The following ORC3 variants were observed in gnomAD, a reference collection of about 807,000 sequenced individuals.
The protein encoded by ORC3 is origin recognition complex subunit 3.
In ORC3, 78 loss-of-function variants were observed where a neutral mutation model predicts 100.7. The observed-to-expected ratio is 0.77, with a 90% CI of 0.65 to 0.94. The LOEUF is 0.94. Among genes scored for constraint, ORC3 ranks in the 40% least tolerant of loss-of-function variants. ORC3 has a pLI of 0.00. For synonymous variants in ORC3, 295 were observed against 289.3 expected (o/e 1.02, Z -0.20); for missense variants, 789 against 823.9 (o/e 0.96, Z 0.52).
intron 1 of ORC3, among the ~76,000 whole-genome samples, chr6:87,592,548 G>C (rs1777110233): frequency 6.6e-6 from 1 of 152,146 alleles, no homozygotes; most frequent in Non-Finnish European, 1.5e-5. Context: ...AGAATCGCCT[G>C]AACCCGGGAG....
Position 87,657,992 on chromosome 6 carries a change from T to C in ORC3, c.1665T>C (p.Val555=), listed in dbSNP as rs1008483339. Residue 555 remains valine (V), a synonymous_variant, in exon 16 of 20, where the codon GTT becomes GTC. Coordinates refer to ENST00000392844, the MANE Select transcript of ORC3 (RefSeq NM_012381.4). ...AATTTGAAGTACTCAGAGAAAATGT[T>C]GTGAACTTCATTGACTGTCTAGTGA... The part of the protein sequence containing the change: ...QTKFEVLREN[V]VNFIDCLVRE... The C allele has an allele frequency of 3.7e-6, 6 of 1,602,054 alleles. No individual in the cohort carries two copies. Among genetic ancestry groups the C allele is most frequent in the Non-Finnish European group, 4.3e-6 (5 of 1,169,542 alleles).
At chr6:87,651,786 A>G (rs1049130816) in intron 13 of ORC3, among the ~76,000 whole-genome samples, 1 of 152,110 alleles carries the variant, frequency 6.6e-6, no homozygotes, top group Non-Finnish European at 1.5e-5. Context: ...AGTTAGCAAT[A>G]TTAGTATTTC....
At chr6:87,659,062 T>G (rs1004559977) in intron 16 of ORC3, among the ~76,000 whole-genome samples, 8 of 117,970 alleles carry the variant, frequency 6.8e-5, no homozygotes, top group African/African-American at 2.2e-4. Flanking sequence ...ATTGTAATTT[T>G]TTTTTTTTTT....
intron 12 of ORC3, 89 bp from the exon 13 acceptor site, chr6:87,636,317 AT>A (rs986721224): frequency 6.0e-5 from 44 of 738,392 alleles, no homozygotes; most frequent in East Asian, 1.5e-4. Context: ...AATAACATTA[AT>A]TTTTTTTGTG....
chr6:87,620,979 T>G (rs1583060502), intron 9 of ORC3, among the ~76,000 whole-genome samples: 2 of 152,344 alleles, frequency 1.3e-5, no homozygotes, highest in African/African-American at 4.8e-5. Context: ...ACACTGATTT[T>G]AGATTGGCAT....
At chr6:87,677,170 A>G in the ORC3 span, among the ~76,000 whole-genome samples, 1 of 152,176 alleles carries the variant, frequency 6.6e-6, no homozygotes, top group Admixed American at 6.5e-5. Flanking sequence ...ATGAATGGCA[A>G]CTGACTGCAA....
chr6:87,592,887 T>C (rs1777140144), intron 1 of ORC3, among the ~76,000 whole-genome samples: 1 of 151,250 alleles, frequency 6.6e-6, no homozygotes, highest in African/African-American at 2.4e-5. Context: ...AGATCAGGAG[T>C]GCGAGACCAG....
At chr6:87,594,643 A>C in intron 2 of ORC3, 1 of 904,558 alleles carries the variant, frequency 1.1e-6, no homozygotes, top group Non-Finnish European at 1.4e-6. Flanking sequence ...CCTTCAAAGG[A>C]TATGCTGCTA....
In ORC3 at chr6:87,664,794, A is replaced by G; in HGVS notation, c.1885A>G (p.Ile629Val). 6.2e-7 allele frequency: 1 copy of G among 1,614,174 alleles called. No homozygotes were observed. The highest frequency in any genetic ancestry group is 8.5e-7 in the Non-Finnish European group (1 of 1,180,002). Residue 629 changes from isoleucine (I) to valine (V), a missense_variant, in exon 18 of 20, where the codon ATC (isoleucine) becomes GTC (valine). This residue lies in a region of ORC3 where 366 missense variants were observed against 394.2 expected (regional missense o/e 0.93). Transcript: ENST00000392844. ...CTGCATTCCGAATATCGCCCCAGAC[A>G]TCTGCATAGCATACAAACTGCACCT... ...EGCIPNIAPD[I>V]CIAYKLHLEC...
Position 87,618,769 on chromosome 6 carries a change from CTGT to C in ORC3, c.987+2347_987+2349del, listed in dbSNP as rs531937489. Among the ~76,000 whole-genome samples, 7 of 151,624 alleles carry C rather than the reference CTGT, an allele frequency of 4.6e-5. No homozygotes were observed. The East Asian group carries it at 1.4e-3, about 29-fold the overall frequency. The stretch of plus-strand genomic sequence containing the variant: ...GTGACTAAGTAGGTCATAGGATGTT[CTGT>C]TGTTTTTTTTTTTCTTACTTGACTT... On this transcript the variant is annotated intron_variant, in intron 9 of 19. Transcript: ENST00000392844.
In ORC3 at chr6:87,656,994, C is replaced by T; in HGVS notation, c.1593+12C>T. On this transcript the variant is annotated intron_variant, in intron 15 of 19. Coordinates refer to ENST00000392844, the MANE Select transcript of ORC3 (RefSeq NM_012381.4). ...ATCATCTTCAGAAGGTCAGGTCACTCTCTTCCCTTCCAGCTGCATCCTGTG... is the reference window on the plus strand; with the variant it reads ...ATCATCTTCAGAAGGTCAGGTCACTTTCTTCCCTTCCAGCTGCATCCTGTG... 1 of 1,541,812 alleles carries T rather than the reference C, an allele frequency of 6.5e-7. No individual in the cohort carries two copies. The highest frequency in any genetic ancestry group is 9.0e-7 in the Non-Finnish European group (1 of 1,113,538).
At chr6:87,598,776 C>A (rs1777659861) in intron 2 of ORC3, among the ~76,000 whole-genome samples, 1 of 151,958 alleles carries the variant, frequency 6.6e-6, no homozygotes, top group African/African-American at 2.4e-5. Flanking sequence ...GGAAACATAC[C>A]CAGACTTTAA....
At chr6:87,646,238 G>T (rs1048610228) in intron 13 of ORC3, among the ~76,000 whole-genome samples, 6 of 151,984 alleles carry the variant, frequency 3.9e-5, no homozygotes, top group Admixed American at 3.9e-4. Flanking sequence ...CGCCCGCCTC[G>T]GCCTCCCAAA....
chr6:87,594,912 T>C (rs1370696605), intron 2 of ORC3, among the ~76,000 whole-genome samples: 1 of 152,246 alleles, frequency 6.6e-6, no homozygotes, highest in Non-Finnish European at 1.5e-5. Context: ...ATGAAAATTG[T>C]ATAAAAATTA....
chr6:87,621,927 G>A (rs772410831), intron 10 of ORC3, 23 bp from the exon 11 acceptor site: 5 of 1,546,690 alleles, frequency 3.2e-6, no homozygotes, highest in Admixed American at 3.4e-5. Flanking sequence ...CTCTTTTTAT[G>A]TATGGAATGG....
chr6:87,598,109 A>T (rs1777602764), intron 2 of ORC3, among the ~76,000 whole-genome samples: 1 of 152,198 alleles, frequency 6.6e-6, no homozygotes, highest in African/African-American at 2.4e-5. Context: ...AGTCCACTGC[A>T]AACTTGAGCT....
chr6:87,659,058 A>ATTTTTTTT (rs71021316), intron 16 of ORC3, among the ~76,000 whole-genome samples: 1 of 93,276 alleles, frequency 1.1e-5, no homozygotes, highest in Non-Finnish European at 2.0e-5. Context: ...GTTTATTGTA[A>ATTTTTTTT]TTTTTTTTTT....
intron 13 of ORC3, among the ~76,000 whole-genome samples, chr6:87,646,966 C>A (rs1222947615): frequency 6.6e-6 from 1 of 152,210 alleles, no homozygotes; most frequent in Non-Finnish European, 1.5e-5. Context: ...AAACCAGAAG[C>A]CTGGGCTCTG....
chr6:87,666,918 C>A lies in ORC3; in HGVS notation c.2031-100C>A. 5 of 650,540 alleles carry A rather than the reference C, an allele frequency of 7.7e-6. No homozygotes were observed. In the Admixed American group the frequency reaches 1.5e-4, roughly 19 times the overall value. The allele number at this position is 650,540 out of a possible 1,614,324, so 40.3% of individuals were successfully genotyped here. A position where few individuals can be genotyped will look rare whatever the true frequency, so the allele number is the denominator to read the frequency against. On this transcript the variant is annotated intron_variant, in intron 19 of 19. Coordinates refer to ENST00000392844, the MANE Select transcript of ORC3 (RefSeq NM_012381.4). ...TTTAATTTAGGAGTTTATATCTGAACTATCTACTTCATTTTACCAACTAGT... is the reference window on the plus strand; with the variant it reads ...TTTAATTTAGGAGTTTATATCTGAAATATCTACTTCATTTTACCAACTAGT...
Sources: allele counts gnomAD v4.1 joint callset (sites outside exome capture counted in the v4.1 genomes callset), GRCh38; gene constraint gnomAD v4.1.1; regional missense constraint gnomAD v4.1.1; transcripts MANE v1.5; gene names NCBI Gene and HGNC (gene_info 2026-07-23, HGNC 2026-07-21).